Variants in ATOSB observed in about 807,000 individuals in gnomAD.
ATOSB encodes atos homolog B, also known as atos homolog protein B.
At chr9:35,107,758 C>A in the ATOSB span, 1 of 1,564,948 alleles carries the variant, frequency 6.4e-7, no homozygotes. Context: ...CCTGGGGACT[C>A]CCCCAGGGAC....
At chr9:35,116,158 C>G in the ATOSB span, 1 of 152,546 alleles carries the variant, frequency 6.6e-6, no homozygotes, top group Non-Finnish European at 1.5e-5. Flanking sequence ...GACCCGCCCC[C>G]TCGGATTCCA....
chr9:35,107,908 G>A, the ATOSB span: 1 of 1,596,646 alleles, frequency 6.3e-7, no homozygotes. Flanking sequence ...ACAACACAGA[G>A]GCCACGGTGG....
At chr9:35,115,607 C>T in the ATOSB span, 1 of 130,176 alleles carries the variant, frequency 7.7e-6, no homozygotes, top group African/African-American at 2.9e-5. Context: ...CACAATGTAC[C>T]TCGCAACCCC....
chr9:35,104,475 G>A, the ATOSB span: 1 of 187,072 alleles, frequency 5.3e-6, no homozygotes, highest in Non-Finnish European at 1.3e-5. Context: ...ACACAGGTAG[G>A]AGGAGAGGGA....
chr9:35,107,447 G>GTTGGCA, the ATOSB span: 1 of 1,613,734 alleles, frequency 6.2e-7, no homozygotes, highest in Non-Finnish European at 8.5e-7. Context: ...CATCAGAACT[G>GTTGGCA]TTGGCAGCAG....
the ATOSB span, chr9:35,104,466 C>T: frequency 5.5e-6 from 1 of 180,414 alleles, no homozygotes; most frequent in Non-Finnish European, 1.3e-5. Context: ...AACAAGGAGA[C>T]ACAGGTAGGA....
At chr9:35,106,159 G>C in the ATOSB span, 3 of 1,563,946 alleles carry the variant, frequency 1.9e-6, no homozygotes, top group African/African-American at 4.1e-5. This position sits in a 1 kb window ranked among gnomAD's most constrained non-coding sequence, Gnocchi z 4.6. Context: ...TTCTAGGTGA[G>C]GAATAAGTAA....
chr9:35,107,663 C>A, the ATOSB span: 1 of 1,608,538 alleles, frequency 6.2e-7, no homozygotes, highest in Non-Finnish European at 8.5e-7. Context: ...CATTGCCCAC[C>A]CCAGCCACTG....
At chr9:35,111,009 C>T in the ATOSB span, 1 of 152,376 alleles carries the variant, frequency 6.6e-6, no homozygotes, top group Non-Finnish European at 1.5e-5. Context: ...GTAGGAAGGT[C>T]GACTTCTTCT....
At chr9:35,107,727 A>G in the ATOSB span, 1 of 1,595,524 alleles carries the variant, frequency 6.3e-7, no homozygotes, top group Non-Finnish European at 8.5e-7. Flanking sequence ...AAGTGTGTGC[A>G]GCTGGCCTGG....
chr9:35,114,199 C>T, the ATOSB span, among the ~76,000 whole-genome samples: 1 of 152,206 alleles, frequency 6.6e-6, no homozygotes, highest in African/African-American at 2.4e-5. Flanking sequence ...CTTCATGCCC[C>T]ACCCACTCAC....
At chr9:35,104,875 TAAA>T in the ATOSB span, 1 of 172,860 alleles carries the variant, frequency 5.8e-6, no homozygotes, top group East Asian at 1.6e-4. Flanking sequence ...AATTATAAAT[TAAA>T]AATAAATAAA....
the ATOSB span, chr9:35,106,003 C>T: frequency 4.2e-4 from 683 of 1,613,314 alleles, no homozygotes; most frequent in Non-Finnish European, 5.3e-4. This position sits in a 1 kb window ranked among gnomAD's most constrained non-coding sequence, Gnocchi z 4.6. Flanking sequence ...TTCAGATCCA[C>T]GATGCCCTGG....
the ATOSB span, chr9:35,106,897 G>C: frequency 1.3e-6 from 2 of 1,565,680 alleles, no homozygotes; most frequent in South Asian, 2.3e-5. The surrounding 1 kb of genome is among the most constrained non-coding windows in gnomAD (Gnocchi z 4.6). Flanking sequence ...GGGTCCTACG[G>C]AGAGAAATGA....
At chr9:35,106,921 CAG>C in the ATOSB span, 1 of 1,551,284 alleles carries the variant, frequency 6.4e-7, no homozygotes. The surrounding 1 kb of genome is among the most constrained non-coding windows in gnomAD (Gnocchi z 4.6). Flanking sequence ...GGAAAAGACA[CAG>C]GGTGAAGGCC....
the ATOSB span, among the ~76,000 whole-genome samples, chr9:35,111,777 G>A: frequency 6.6e-6 from 1 of 152,190 alleles, no homozygotes; most frequent in African/African-American, 2.4e-5. Flanking sequence ...TCCATAAGGG[G>A]GTAGGCTTAC....
the ATOSB span, chr9:35,105,229 A>G: frequency 6.2e-7 from 1 of 1,612,564 alleles, no homozygotes; most frequent in Non-Finnish European, 8.5e-7. This position sits in a 1 kb window ranked among gnomAD's most constrained non-coding sequence, Gnocchi z 5.5. Flanking sequence ...AATCAGGGCA[A>G]AGGTGAATAA....
the ATOSB span, among the ~76,000 whole-genome samples, chr9:35,115,398 T>G: frequency 6.6e-6 from 1 of 152,006 alleles, no homozygotes; most frequent in East Asian, 1.9e-4. Context: ...AAACTGTTAC[T>G]TTGTCAAAGT....
the ATOSB span, among the ~76,000 whole-genome samples, chr9:35,114,958 A>G: frequency 2.0e-5 from 3 of 151,942 alleles, no homozygotes; most frequent in Non-Finnish European, 4.4e-5. Context: ...CGGGCAGGGC[A>G]CAGCTCCTAG....
Sources: allele counts gnomAD v4.1 joint callset (sites outside exome capture counted in the v4.1 genomes callset), GRCh38; gene constraint gnomAD v4.1.1; non-coding constraint Gnocchi (gnomAD v3.1); transcripts MANE v1.5; gene names NCBI Gene and HGNC (gene_info 2026-07-23, HGNC 2026-07-21).